The following B3GALT1 variants were observed in gnomAD, a reference collection of about 807,000 sequenced individuals.
B3GALT1 encodes beta-1,3-galactosyltransferase 1.
Under a neutral mutation model 23.2 loss-of-function variants are expected in B3GALT1, and 10 were observed. That is an observed-to-expected ratio of 0.43 (90% confidence interval 0.27 to 0.73). B3GALT1 has a LOEUF of 0.73. Among genes scored for constraint, B3GALT1 ranks in the 30% least tolerant of loss-of-function variants. The pLI is 0.21. For synonymous variants in B3GALT1, 156 were observed against 141.5 expected (o/e 1.10, Z -0.73); for missense variants, 299 against 405.4 (o/e 0.74, Z 2.25).
intron 1 of B3GALT1, among the ~76,000 whole-genome samples, chr2:167,450,766 T>C (rs1242831478): frequency 2.0e-5 from 3 of 152,222 alleles, no homozygotes. Flanking sequence ...GAAGTTTTCC[T>C]CAATTATTCC....
chr2:167,441,282 G>C (rs1321473921), intron 1 of B3GALT1, among the ~76,000 whole-genome samples: 1 of 152,222 alleles, frequency 6.6e-6, no homozygotes, highest in African/African-American at 2.4e-5. Flanking sequence ...TTACTTTAGA[G>C]GGTTGTTCTT....
At chr2:167,836,718 A>G (rs1170936443) in intron 4 of B3GALT1, among the ~76,000 whole-genome samples, 4 of 152,314 alleles carry the variant, frequency 2.6e-5, no homozygotes, top group South Asian at 2.1e-4. Flanking sequence ...TCCAAGACAC[A>G]TAATTGTCAG....
chr2:167,672,825 T>G (rs188363047), intron 3 of B3GALT1, among the ~76,000 whole-genome samples: 1 of 152,188 alleles, frequency 6.6e-6, no homozygotes, highest in Admixed American at 6.5e-5. Context: ...TAAATATAGA[T>G]AAGGGACTCA....
chr2:167,656,648 A>T (rs1446329156), intron 3 of B3GALT1, among the ~76,000 whole-genome samples: 1 of 152,196 alleles, frequency 6.6e-6, no homozygotes, highest in African/African-American at 2.4e-5. Flanking sequence ...CAAGGCATTC[A>T]GGCATTGAAT....
chr2:167,865,787 G>C (rs1027820096), intron 4 of B3GALT1, among the ~76,000 whole-genome samples: 1 of 152,046 alleles, frequency 6.6e-6, no homozygotes, highest in Non-Finnish European at 1.5e-5. Context: ...GCGAGACTCC[G>C]TCTCAAAAAC....
rs183547993 is a variant in B3GALT1, at chr2:167,437,846, A to G, written c.-510-52331A>G. On this transcript the variant is annotated intron_variant, in intron 1 of 4. Transcript: ENST00000392690. ...TTGACTGTCATGGAAAACAGTTTCCATGACCTGAACTGGAGATATTCACAT... is the reference window on the plus strand; with the variant it reads ...TTGACTGTCATGGAAAACAGTTTCCGTGACCTGAACTGGAGATATTCACAT... Among the ~76,000 whole-genome samples the G allele has an allele frequency of 3.4e-3, 522 of 152,278 alleles. 1 individual carries two copies. The highest frequency in any genetic ancestry group is 0.012 in the African/African-American group (483 of 41,554).
At chr2:167,725,997 G>A (rs1230981336) in intron 3 of B3GALT1, among the ~76,000 whole-genome samples, 1 of 152,176 alleles carries the variant, frequency 6.6e-6, no homozygotes, top group Non-Finnish European at 1.5e-5. Flanking sequence ...TTTCTCTGGT[G>A]TTGGGGATCA....
chr2:167,570,348 TAG>T (rs1684268405), intron 2 of B3GALT1, among the ~76,000 whole-genome samples: 1 of 151,888 alleles, frequency 6.6e-6, no homozygotes, highest in East Asian at 1.9e-4. Context: ...GTAATAGATA[TAG>T]GTCTATTTTT....
At chr2:167,623,899 A>G (rs998247253) in intron 2 of B3GALT1, among the ~76,000 whole-genome samples, 5 of 152,070 alleles carry the variant, frequency 3.3e-5, no homozygotes, top group African/African-American at 1.2e-4. Flanking sequence ...TAGGCAGGAT[A>G]AAAATGCAGA....
At chr2:167,809,182 C>T (rs1050943436) in intron 3 of B3GALT1, among the ~76,000 whole-genome samples, 16 of 152,120 alleles carry the variant, frequency 1.1e-4, no homozygotes, top group African/African-American at 3.6e-4. Context: ...GTTAGCCATT[C>T]GTCTAATCTT....
At chr2:167,440,344 GA>G (rs745706207) in intron 1 of B3GALT1, among the ~76,000 whole-genome samples, 15,750 of 70,032 alleles carry the variant, frequency 0.22, 961 homozygotes, top group African/African-American at 0.37. Flanking sequence ...GACTCTGTCT[GA>G]AAAAAAAAAA....
At chr2:167,742,748 C>A (rs1687594668) in intron 3 of B3GALT1, among the ~76,000 whole-genome samples, 1 of 152,014 alleles carries the variant, frequency 6.6e-6, no homozygotes, top group South Asian at 2.1e-4. Context: ...ATTCAGAAAT[C>A]TATTTCAAAT....
In B3GALT1 at chr2:167,299,888, T is replaced by G. The variant is rs563968638; in HGVS notation, c.-511+6554T>G. On this transcript the variant is annotated intron_variant, in intron 1 of 4. Transcript: ENST00000392690. ...TATAACATATATTCTTTTTTTAACT[T>G]TATATATTTTATTTATTTCTTTATT... Among the ~76,000 whole-genome samples, 51 of 151,406 alleles carry G rather than the reference T, an allele frequency of 3.4e-4. No homozygotes were observed. The South Asian group carries it at 0.011, about 31-fold the overall frequency.
chr2:167,868,104 T>C (rs1203288274), intron 4 of B3GALT1, among the ~76,000 whole-genome samples: 1 of 152,248 alleles, frequency 6.6e-6, no homozygotes, highest in African/African-American at 2.4e-5. Context: ...AACTCCAAAA[T>C]AAATGCTGCC....
At chr2:167,613,612 G>GA (rs1262302355) in intron 2 of B3GALT1, among the ~76,000 whole-genome samples, 1 of 151,312 alleles carries the variant, frequency 6.6e-6, no homozygotes. Context: ...ACTTCCATAA[G>GA]AAAAAAATGC....
chr2:167,571,764 T>G (rs1383326634), intron 2 of B3GALT1, among the ~76,000 whole-genome samples: 1 of 151,944 alleles, frequency 6.6e-6, no homozygotes, highest in African/African-American at 2.4e-5. Flanking sequence ...AAGCAGGTTT[T>G]GTTTGCAGTA....
At chr2:167,519,393 A>G (rs1700154453) in intron 2 of B3GALT1, among the ~76,000 whole-genome samples, 1 of 145,952 alleles carries the variant, frequency 6.9e-6, no homozygotes, top group Admixed American at 7.0e-5. Flanking sequence ...ATTTAGATAC[A>G]TTTACTAAGA....
At chr2:167,557,779 A>G (rs1357851929) in intron 2 of B3GALT1, among the ~76,000 whole-genome samples, 3 of 152,244 alleles carry the variant, frequency 2.0e-5, no homozygotes, top group Non-Finnish European at 2.9e-5. Flanking sequence ...ACGTAAACAG[A>G]CATCATTGGC....
chr2:167,367,506 T>C (rs1283931022), intron 1 of B3GALT1, among the ~76,000 whole-genome samples: 1 of 152,194 alleles, frequency 6.6e-6, no homozygotes, highest in Non-Finnish European at 1.5e-5. Context: ...TTCTATTGCA[T>C]ATAGGACACA....
Sources: allele counts gnomAD v4.1 joint callset (sites outside exome capture counted in the v4.1 genomes callset), GRCh38; gene constraint gnomAD v4.1.1; transcripts MANE v1.5; gene names NCBI Gene and HGNC (gene_info 2026-07-23, HGNC 2026-07-21).